ZNF761: variants seen among roughly 807,000 people sequenced by gnomAD.
ZNF761 encodes the protein zinc finger protein 761.
Under a neutral mutation model 59.9 loss-of-function variants are expected in ZNF761, and 43 were observed. The ratio of observed to expected loss-of-function variants is 0.72; its 90% CI spans 0.56 to 0.92. ZNF761 has a LOEUF of 0.92. Ranked by LOEUF, ZNF761 falls within the 40% of genes least tolerant of loss-of-function variation. The pLI is 0.00. For missense variants in ZNF761, 850 were observed against 906.1 expected (o/e 0.94, Z 0.79); for synonymous variants, 294 against 304.8 (o/e 0.96, Z 0.37).
rs1600102016 is a variant in ZNF761 at position 53,457,152 on chromosome 19, C to G, written c.*404C>G. ...TCAGGCAATCCATGGTGTAGGGAAA[C>G]TTTACTAAGGTAATGATTGTCACAA... On this transcript the variant is annotated 3_prime_UTR_variant, in exon 5 of 5. Coordinates refer to ENST00000684525, the MANE Select transcript of ZNF761 (RefSeq NM_001289951.2). 1.9e-6 allele frequency: 1 copy of G among 513,892 alleles called. No homozygotes were observed. Among genetic ancestry groups the G allele is most frequent in the African/African-American group, 1.9e-5 (1 of 51,320 alleles). The allele number at this position is 513,892 out of a possible 1,614,324, so 31.8% of individuals were successfully genotyped here. A position where few individuals can be genotyped will look rare whatever the true frequency, so the allele number is the denominator to read the frequency against.
In ZNF761 at chr19:53,456,972, C is replaced by G; in HGVS notation, c.*224C>G. On this transcript the variant is annotated 3_prime_UTR_variant, in exon 5 of 5. Transcript: ENST00000684525. ...ACCGTGAAAGACAGGAGAATTCATACTGGAGAGAAACCATAAAAATGTAAG... is the reference window on the plus strand; with the variant it reads ...ACCGTGAAAGACAGGAGAATTCATAGTGGAGAGAAACCATAAAAATGTAAG... The G allele has an allele frequency of 1.4e-6, 1 of 716,590 alleles. No homozygotes were observed. The highest frequency in any genetic ancestry group is 1.7e-5 in the South Asian group (1 of 59,612). 44.4% of individuals were successfully genotyped at this position (716,590 alleles called of 1,614,324 possible).
At chr19:53,447,106 C>T (rs909291778) in intron 2 of ZNF761, 90 bp from the exon 3 acceptor site, 1 of 790,994 alleles carries the variant, frequency 1.3e-6, no homozygotes, top group African/African-American at 1.7e-5. Context: ...CCATATTTCC[C>T]AGGGTGAGGT....
chr19:53,433,301 C>G (rs1170837023), intron 1 of ZNF761, among the ~76,000 whole-genome samples: 1 of 151,836 alleles, frequency 6.6e-6, no homozygotes, highest in Non-Finnish European at 1.5e-5. Context: ...TATAGCATAG[C>G]ATAACTTGTG....
intron 1 of ZNF761, among the ~76,000 whole-genome samples, chr19:53,436,219 G>A (rs1355354144): frequency 6.6e-6 from 1 of 152,150 alleles, no homozygotes; most frequent in Non-Finnish European, 1.5e-5. Context: ...ACAGTACAGG[G>A]CCCATCCTAT....
At chr19:53,449,937 C>T (rs1167794374) in intron 4 of ZNF761, 7 of 559,388 alleles carry the variant, frequency 1.3e-5, no homozygotes, top group African/African-American at 5.8e-5. Flanking sequence ...AGAGATCCTC[C>T]TCAGTCTCCC....
intron 1 of ZNF761, chr19:53,443,462 A>C (rs1330516043): frequency 6.6e-6 from 1 of 152,242 alleles, no homozygotes; most frequent in African/African-American, 2.4e-5. Context: ...GCTAGTATGG[A>C]GGCTGCAATA....
chr19:53,434,399 A>G (rs28871356), intron 1 of ZNF761, among the ~76,000 whole-genome samples: 13 of 152,102 alleles, frequency 8.5e-5, no homozygotes. Flanking sequence ...GCCCTTGTCC[A>G]TTTTCCTGGC....
At chr19:53,441,814 G>C in intron 1 of ZNF761, 1 of 1,321,402 alleles carries the variant, frequency 7.6e-7, no homozygotes, top group East Asian at 2.3e-5. Context: ...CTGCAATGCC[G>C]AGTGGAGGAA....
rs140502396 is a variant in ZNF761 at position 53,456,163 on chromosome 19, T to G, written c.1656T>G (p.Cys552Trp). 6.2e-7 allele frequency: 1 copy of G among 1,613,962 alleles called. No individual in the cohort carries two copies. The highest frequency in any genetic ancestry group is 8.5e-7 in the Non-Finnish European group (1 of 1,180,020). Residue 552 changes from cysteine to tryptophan, a missense_variant, in exon 5 of 5, where the codon TGT (cysteine) becomes TGG (tryptophan). Transcript: ENST00000684525. ...RLHSGEKPYK[C>W]KECGKTFNQQ... ...ATTCTGGAGAGAAACCTTACAAGTGTAAGGAGTGTGGCAAGACCTTCAATC... is the reference window on the plus strand; with the variant it reads ...ATTCTGGAGAGAAACCTTACAAGTGGAAGGAGTGTGGCAAGACCTTCAATC...
At chr19:53,442,817 T>G in intron 1 of ZNF761, 1 of 436,758 alleles carries the variant, frequency 2.3e-6, no homozygotes, top group Non-Finnish European at 4.4e-6. Context: ...GCTGAGAACC[T>G]TTGCAAACAA....
At chr19:53,443,392 G>T in intron 1 of ZNF761, 1 of 152,736 alleles carries the variant, frequency 6.5e-6, no homozygotes. Flanking sequence ...AAGTCCAGTG[G>T]AGTCAAAGGA....
At chr19:53,451,912 A>G (rs1316241549) in intron 4 of ZNF761, among the ~76,000 whole-genome samples, 1 of 151,916 alleles carries the variant, frequency 6.6e-6, no homozygotes, top group African/African-American at 2.4e-5. Context: ...AAAACATGTT[A>G]TTGCTATTAG....
Position 53,454,807 on chromosome 19 carries a change from A to C in ZNF761, c.300A>C (p.Gln100His). 6.2e-7 allele frequency: 1 copy of C among 1,614,200 alleles called. No homozygotes were observed. Among genetic ancestry groups the C allele is most frequent in the Non-Finnish European group, 8.5e-7 (1 of 1,180,042 alleles). Residue 100 changes from glutamine (Q) to histidine (H), a missense_variant, in exon 5 of 5, where the codon CAA becomes CAC. Gln to His is a conservative substitution (Grantham distance 24). Coordinates refer to ENST00000684525, the MANE Select transcript of ZNF761 (RefSeq NM_001289951.2). Reference sequence around the variant, plus strand: ...AAGATATTCATGACTATGAATTTCAATGGCAAGAAGATGAAAGAAATGGCC... The same window carrying C: ...AAGATATTCATGACTATGAATTTCACTGGCAAGAAGATGAAAGAAATGGCC... ...VDKDIHDYEFQWQEDERNGHE... is the reference protein window; with the variant it reads ...VDKDIHDYEFHWQEDERNGHE...
At chr19:53,448,256 G>A (rs2086182013) in intron 3 of ZNF761, among the ~76,000 whole-genome samples, 1 of 152,222 alleles carries the variant, frequency 6.6e-6, no homozygotes, top group Non-Finnish European at 1.5e-5. Flanking sequence ...GCCCACCGCA[G>A]TCTCCCAGAG....
intron 1 of ZNF761, among the ~76,000 whole-genome samples, chr19:53,436,668 A>G (rs149744248): frequency 6.6e-6 from 1 of 152,324 alleles, no homozygotes; most frequent in Non-Finnish European, 1.5e-5. Context: ...CAGACTTGTG[A>G]AATCTTACAC....
At chr19:53,442,540 C>T (rs2086111814) in intron 1 of ZNF761, 1 of 699,124 alleles carries the variant, frequency 1.4e-6, no homozygotes, top group East Asian at 2.5e-5. Context: ...CTGAAATGCA[C>T]CAAAGAGGAA....
At chr19:53,452,125 G>A (rs571664385) in intron 4 of ZNF761, among the ~76,000 whole-genome samples, 1 of 152,234 alleles carries the variant, frequency 6.6e-6, no homozygotes, top group African/African-American at 2.4e-5. Context: ...AAGGTGGGCT[G>A]ATCACTTGAA....
intron 1 of ZNF761, among the ~76,000 whole-genome samples, chr19:53,441,059 G>A (rs2086094384): frequency 6.6e-6 from 1 of 152,176 alleles, no homozygotes; most frequent in Non-Finnish European, 1.5e-5. Flanking sequence ...AGGCGAGTGG[G>A]TCACCTAAGG....
chr19:53,456,440 G>T lies in ZNF761; in HGVS notation c.1933G>T (p.Val645Leu), dbSNP rs751643679. ...TGAAGAATGTGACAAAGCTTTCCGT[G>T]TGAAATCAAACCTTGAAGGACATAG... ...KCEECDKAFR[V>L]KSNLEGHRRI... The change falls in exon 5 of 5, where the codon GTG becomes TTG. Residue 645 changes from valine to leucine, a missense_variant. Physicochemically the swap from Val to Leu is conservative, Grantham distance 32. Transcript: ENST00000684525. 2 of 1,611,456 alleles carry T rather than the reference G, an allele frequency of 1.2e-6. No individual in the cohort carries two copies. Among genetic ancestry groups the T allele is most frequent in the African/African-American group, 1.4e-5 (1 of 74,062 alleles).
Sources: gnomAD v4.1 joint callset for allele counts (sites outside exome capture counted in the v4.1 genomes callset) on GRCh38, gnomAD v4.1.1 for gene constraint, MANE v1.5 for transcripts, NCBI Gene and HGNC (gene_info 2026-07-23, HGNC 2026-07-21) for gene names.